CCSER1: variants seen among roughly 807,000 people sequenced by gnomAD.
CCSER1 encodes coiled-coil serine rich protein 1.
A neutral mutation model predicts 82.0 loss-of-function variants in CCSER1; 41 were observed. The ratio of observed to expected loss-of-function variants is 0.50; its 90% CI spans 0.39 to 0.65. The LOEUF (loss-of-function observed/expected upper bound fraction) is 0.65. Among genes scored for constraint, CCSER1 ranks in the 30% least tolerant of loss-of-function variants. The pLI is 0.00. For synonymous variants in CCSER1, 414 were observed against 383.9 expected, an observed-to-expected ratio of 1.08 and a Z score of -0.92; for missense variants, 1,119 against 1,064.2, an observed-to-expected ratio of 1.05 and a Z score of -0.72.
intron 10 of CCSER1, among the ~76,000 whole-genome samples, chr4:91,454,357 ATC>A (rs1460470860): frequency 6.6e-6 from 1 of 151,910 alleles, no homozygotes; most frequent in Non-Finnish European, 1.5e-5. Flanking sequence ...CCCTTCCCCC[ATC>A]TTTAAAGCCA....
chr4:91,298,543 G>A (rs1037289221), intron 10 of CCSER1, among the ~76,000 whole-genome samples: 45 of 151,954 alleles, frequency 3.0e-4, no homozygotes, highest in Non-Finnish European at 2.2e-4. Flanking sequence ...GGTGAATGTG[G>A]TTTCCAGGAT....
chr4:90,350,220 G>A (rs1743180463), intron 3 of CCSER1, among the ~76,000 whole-genome samples: 1 of 152,076 alleles, frequency 6.6e-6, no homozygotes, highest in Non-Finnish European at 1.5e-5. Flanking sequence ...AGACGAATAT[G>A]AACTGAGCAT....
chr4:90,426,950 A>C (rs1461345027), intron 4 of CCSER1, among the ~76,000 whole-genome samples: 2 of 152,144 alleles, frequency 1.3e-5, no homozygotes, highest in Non-Finnish European at 2.9e-5. Flanking sequence ...TCTTCTAAAA[A>C]GTCTTTAAAA....
At chr4:91,139,509 G>A (rs559488459) in intron 10 of CCSER1, among the ~76,000 whole-genome samples, 2 of 152,106 alleles carry the variant, frequency 1.3e-5, no homozygotes, top group East Asian at 3.9e-4. Flanking sequence ...TGAACAAAAA[G>A]AAAAAAGATA....
intron 4 of CCSER1, among the ~76,000 whole-genome samples, chr4:90,460,084 T>C (rs1252694677): frequency 6.6e-6 from 1 of 151,204 alleles, no homozygotes; most frequent in African/African-American, 2.5e-5. Flanking sequence ...CCCAGCACTT[T>C]GGGAGGCCAA....
chr4:90,923,648 G>T, intron 9 of CCSER1: 1 of 445,856 alleles, frequency 2.2e-6, no homozygotes, highest in South Asian at 4.2e-5. Flanking sequence ...GCATACCAAT[G>T]CCTTATTAAT....
intron 9 of CCSER1, among the ~76,000 whole-genome samples, chr4:90,969,896 AAAG>A (rs199838550): frequency 0.012 from 1,750 of 151,824 alleles, 26 homozygotes; most frequent in Admixed American, 0.037. Context: ...TACAATATAA[AAAG>A]AAGAACCTCT....
chr4:90,415,324 T>C (rs1471502132), intron 4 of CCSER1, among the ~76,000 whole-genome samples: 1 of 152,204 alleles, frequency 6.6e-6, no homozygotes, highest in African/African-American at 2.4e-5. Context: ...TTAACAGTTC[T>C]AAACGGTGCC....
At chr4:91,416,814 A>T (rs780693630) in intron 10 of CCSER1, among the ~76,000 whole-genome samples, 1 of 152,230 alleles carries the variant, frequency 6.6e-6, no homozygotes, top group Non-Finnish European at 1.5e-5. Flanking sequence ...CATGAGGAAC[A>T]TGTCAAAAGG....
At chr4:91,231,505 T>C (rs893612170) in intron 10 of CCSER1, among the ~76,000 whole-genome samples, 1 of 151,796 alleles carries the variant, frequency 6.6e-6, no homozygotes, top group Non-Finnish European at 1.5e-5. Context: ...AAATCCATTA[T>C]ACGTATAGGT....
chr4:90,696,078 A>G (rs2149255952), intron 6 of CCSER1, among the ~76,000 whole-genome samples: 1 of 152,216 alleles, frequency 6.6e-6, no homozygotes, highest in Non-Finnish European at 1.5e-5. Flanking sequence ...GATACCAACT[A>G]TCAATTTTAG....
At chr4:90,846,475 CAT>C (rs58162407) in intron 8 of CCSER1, among the ~76,000 whole-genome samples, 27,386 of 151,938 alleles carry the variant, frequency 0.18, 2,747 homozygotes, top group South Asian at 0.27. Flanking sequence ...TGTATAGGTA[CAT>C]GTGATATTTT....
intron 10 of CCSER1, among the ~76,000 whole-genome samples, chr4:91,285,596 G>T (rs1019780236): frequency 2.6e-5 from 4 of 151,792 alleles, no homozygotes; most frequent in African/African-American, 9.7e-5. Flanking sequence ...AAAGATGTAT[G>T]ATTTCTGTAA....
chr4:91,040,971 GTGTT>G (rs1244858901), intron 9 of CCSER1, among the ~76,000 whole-genome samples: 1 of 152,222 alleles, frequency 6.6e-6, no homozygotes, highest in East Asian at 1.9e-4. Flanking sequence ...AAAATTGACT[GTGTT>G]TGTTACAAAT....
intron 10 of CCSER1, among the ~76,000 whole-genome samples, chr4:91,529,844 C>T (rs369961831): frequency 6.6e-6 from 1 of 152,190 alleles, no homozygotes; most frequent in East Asian, 1.9e-4. Context: ...ATTGACAGAA[C>T]AAGTTGTAGA....
chr4:91,554,163 G>T (rs1020351973), intron 10 of CCSER1, among the ~76,000 whole-genome samples: 2 of 148,228 alleles, frequency 1.3e-5, no homozygotes, highest in African/African-American at 5.0e-5. Context: ...CAGGCATGTT[G>T]TTTAATTTCC....
intron 10 of CCSER1, among the ~76,000 whole-genome samples, chr4:91,105,739 A>G (rs948888178): frequency 6.6e-6 from 1 of 152,052 alleles, no homozygotes; most frequent in Non-Finnish European, 1.5e-5. Context: ...TAAAAATAAA[A>G]TAACCCTTGT....
At chr4:90,751,487 A>T (rs1748654273) in intron 7 of CCSER1, among the ~76,000 whole-genome samples, 1 of 152,078 alleles carries the variant, frequency 6.6e-6, no homozygotes, top group Non-Finnish European at 1.5e-5. Flanking sequence ...TCTTCTCAAG[A>T]GCTCCTTGAG....
At chr4:91,107,999 T>C (rs1021439000) in intron 10 of CCSER1, 8 of 152,216 alleles carry the variant, frequency 5.3e-5, no homozygotes, top group African/African-American at 1.7e-4. Context: ...GTCCTGACCA[T>C]CATTGAAAAG....
Sources: gnomAD v4.1 joint callset for allele counts (sites outside exome capture counted in the v4.1 genomes callset) on GRCh38, gnomAD v4.1.1 for gene constraint, MANE v1.5 for transcripts, NCBI Gene and HGNC (gene_info 2026-07-23, HGNC 2026-07-21) for gene names.